MYO15A: variants seen among roughly 807,000 people sequenced by gnomAD.
MYO15A encodes the protein unconventional myosin-XV.
Under a neutral mutation model 394.6 loss-of-function variants are expected in MYO15A, and 308 were observed. The ratio of observed to expected loss-of-function variants is 0.78; its 90% CI spans 0.71 to 0.86. MYO15A has a LOEUF of 0.86. Among genes scored for constraint, MYO15A ranks in the 40% least tolerant of loss-of-function variants. The probability of loss-of-function intolerance (pLI) is 0.00; values close to 1 mark genes in which losing one functional copy is unlikely to be tolerated. For synonymous variants in MYO15A, 1,957 were observed against 2,003.8 expected (o/e 0.98, Z 0.62); for missense variants, 4,606 against 4,799.1 (o/e 0.96, Z 1.19).
chr17:18,142,830 G>A lies in MYO15A; in HGVS notation c.5900G>A (p.Arg1967His), dbSNP rs780235460. ...SLVHAYVSRRRYLKLRAEWRC... is the reference protein window; with the variant it reads ...SLVHAYVSRRHYLKLRAEWRC... ...GTACACGCATACGTGAGCCGCCGACGCTATCTCAAGGTATAGGCCCTACCC... is the reference window on the plus strand; with the variant it reads ...GTACACGCATACGTGAGCCGCCGACACTATCTCAAGGTATAGGCCCTACCC... Residue 1967 changes from arginine (R) to histidine (H), a missense_variant, in exon 25 of 66, where the codon CGC becomes CAC. By Grantham distance (29) the Arg-to-His change is conservative. Transcript: ENST00000647165. 8.7e-6 allele frequency: 14 copies of A among 1,611,684 alleles called. No individual in the cohort carries two copies. Among genetic ancestry groups the A allele is most frequent in the Middle Eastern group, 1.6e-4 (1 of 6,080 alleles).
chr17:18,141,262 C>G, intron 22 of MYO15A, 119 bp downstream of exon 22: 1 of 1,430,930 alleles, frequency 7.0e-7, no homozygotes, highest in Non-Finnish European at 9.6e-7. Flanking sequence ...AGGTTGTACA[C>G]TTCACAAGGC....
chr17:18,150,603 G>C lies in MYO15A; in HGVS notation c.7327+60G>C, dbSNP rs1269580050. The stretch of plus-strand genomic sequence containing the variant: ...CAGGGCCAGAGCCACTTGCTGGTGT[G>C]CTAGAATGGAGGCAGCCACAGCATG... On this transcript the variant is annotated intron_variant, in intron 36 of 65. Transcript: ENST00000647165. The surrounding 1 kb of genome is among the most constrained non-coding windows in gnomAD (Gnocchi z 4.4). The C allele has an allele frequency of 3.1e-6, 5 of 1,611,078 alleles. No homozygotes were observed. In the African/African-American group the frequency reaches 6.7e-5, roughly 22 times the overall value.
rs781218474 is a variant in MYO15A, at chr17:18,149,416, C to A, written c.7117+40C>A. 10 of 1,612,050 alleles carry A rather than the reference C, an allele frequency of 6.2e-6. No individual in the cohort carries two copies. The African/African-American group carries it at 1.1e-4, about 17-fold the overall frequency. On this transcript the variant is annotated intron_variant, in intron 34 of 65. Transcript: ENST00000647165. ...GCTGCTGTCTCTGGTGGGGAGGGAG[C>A]CTTAGAGGCTGTGTGGGGTGGAAAT...
rs374989174 is a variant in MYO15A at position 18,138,229 on chromosome 17, C to A, written c.4990C>A (p.Gln1664Lys). ...PYGILRILDD[Q>K]CCFPQATDHT... Reference sequence around the variant, plus strand: ...TGGCATCCTGCGGATCCTTGACGACCAGTGTTGCTTTCCCCAGGTGAGCCG... The same window carrying A: ...TGGCATCCTGCGGATCCTTGACGACAAGTGTTGCTTTCCCCAGGTGAGCCG... The change falls in exon 17 of 66, where the codon CAG (glutamine) becomes AAG (lysine). Residue 1664 changes from glutamine (Q) to lysine (K), a missense_variant. Around this residue, in one of 2 missense-constraint regions of MYO15A, gnomAD observed 2,776 missense variants for 3,109.3 expected, o/e 0.89. Coordinates refer to ENST00000647165, the MANE Select transcript of MYO15A (RefSeq NM_016239.4). 3 of 1,613,090 alleles carry A rather than the reference C, an allele frequency of 1.9e-6. No individual in the cohort carries two copies. The highest frequency in any genetic ancestry group is 1.3e-5 in the African/African-American group (1 of 74,946).
chr17:18,119,251 A>G lies in MYO15A; in HGVS notation c.451A>G (p.Ser151Gly), dbSNP rs1244349686. The change falls in exon 2 of 66, where the codon AGC (serine) becomes GGC (glycine). Residue 151 changes from serine (S) to glycine (G), a missense_variant. Physicochemically the swap from Ser to Gly is moderately conservative, Grantham distance 56. Transcript: ENST00000647165. ...CCTCAAGAAGGCCGAGGAGTCGGGCAGCGAACAGGCCACAGTGGACGCCTG... is the reference window on the plus strand; with the variant it reads ...CCTCAAGAAGGCCGAGGAGTCGGGCGGCGAACAGGCCACAGTGGACGCCTG... ...FLLKKAEESG[S>G]EQATVDAWLQ... The G allele has an allele frequency of 6.2e-7, 1 of 1,612,372 alleles. No homozygotes were observed. Among genetic ancestry groups the G allele is most frequent in the African/African-American group, 1.3e-5 (1 of 75,046 alleles).
chr17:18,163,453 G>A (rs2046805322), intron 59 of MYO15A, 132 bp downstream of exon 59: 3 of 1,001,708 alleles, frequency 3.0e-6, no homozygotes, highest in Middle Eastern at 2.6e-4. Context: ...AGCCCCACAA[G>A]GCAGGACTTA....
chr17:18,149,567 C>A lies in MYO15A; in HGVS notation c.7199C>A (p.Ser2400Tyr), dbSNP rs779994772. 6.2e-7 allele frequency: 1 copy of A among 1,614,122 alleles called. No individual in the cohort carries two copies. Among genetic ancestry groups the A allele is most frequent in the Non-Finnish European group, 8.5e-7 (1 of 1,179,996 alleles). The part of the protein sequence containing the change: ...YLDSLFDPVL[S>Y]YGDADLEKPT... ...GATAGCCTCTTTGACCCTGTGCTGT[C>A]CTACGGGGATGCGGTAGGGATGGTG... The change falls in exon 35 of 66, where the codon TCC becomes TAC. Residue 2400 changes from serine (S) to tyrosine (Y), a missense_variant. Ser to Tyr is a moderately radical substitution (Grantham distance 144). Transcript: ENST00000647165.
rs1362577821 is a variant in MYO15A at position 18,124,952 on chromosome 17, T to C, written c.3693-216T>C. The C allele has an allele frequency of 1.5e-5, 9 of 614,520 alleles. No individual in the cohort carries two copies. In the Admixed American group the frequency reaches 2.2e-4, roughly 15 times the overall value. The allele number at this position is 614,520 out of a possible 1,614,324, so 38.1% of individuals were successfully genotyped here. ...GTAAGAGTGTCCCCCAAACCCCCAATGAAGTAGGTACAATGATTATCATAC... is the reference window on the plus strand; with the variant it reads ...GTAAGAGTGTCCCCCAAACCCCCAACGAAGTAGGTACAATGATTATCATAC... On this transcript the variant is annotated intron_variant, in intron 3 of 65. Transcript: ENST00000647165.
At chr17:18,129,719 CAG>C (rs775763755) in intron 7 of MYO15A, among the ~76,000 whole-genome samples, 4 of 152,148 alleles carry the variant, frequency 2.6e-5, no homozygotes, top group East Asian at 1.9e-4. Flanking sequence ...ATCTGCAAAA[CAG>C]GGGTGATATT....
chr17:18,150,849 C>A lies in MYO15A; in HGVS notation c.7409C>A (p.Thr2470Asn), dbSNP rs756893135. 6.3e-7 allele frequency: 1 copy of A among 1,595,780 alleles called. No homozygotes were observed. Among genetic ancestry groups the A allele is most frequent in the Admixed American group, 1.7e-5 (1 of 57,320 alleles). The change falls in exon 38 of 66, where the codon ACC becomes AAC. Residue 2470 changes from threonine (T) to asparagine (N), a missense_variant. Transcript: ENST00000647165. The surrounding 1 kb of genome is among the most constrained non-coding windows in gnomAD (Gnocchi z 4.4). ...KQAVLLAREM[T>N]LQATALQQQP... ...ACCTCTCCCCAGGCCCGGGAGATGA[C>A]CCTGCAGGCCACGGCACTCCAGCAG...
In MYO15A at chr17:18,159,254, C is replaced by T; in HGVS notation, c.9157-21C>T. 3.1e-6 allele frequency: 5 copies of T among 1,613,896 alleles called. No homozygotes were observed. The African/African-American group carries it at 6.7e-5, about 22-fold the overall frequency. ...CTGACGTGTCCCTCCTCCATCATGACACAGCCCTCTTCCCCCACAGACTCC... is the reference window on the plus strand; with the variant it reads ...CTGACGTGTCCCTCCTCCATCATGATACAGCCCTCTTCCCCCACAGACTCC... On this transcript the variant is annotated intron_variant, in intron 53 of 65. Coordinates refer to ENST00000647165, the MANE Select transcript of MYO15A (RefSeq NM_016239.4).
Position 18,148,678 on chromosome 17 carries a change from G to T in MYO15A, c.6765-83G>T. 1 of 1,547,306 alleles carries T rather than the reference G, an allele frequency of 6.5e-7. No individual in the cohort carries two copies. The highest frequency in any genetic ancestry group is 8.7e-7 in the Non-Finnish European group (1 of 1,144,498). On this transcript the variant is annotated intron_variant, in intron 32 of 65. Coordinates refer to ENST00000647165, the MANE Select transcript of MYO15A (RefSeq NM_016239.4). The surrounding 1 kb of genome is among the most constrained non-coding windows in gnomAD (Gnocchi z 4.8). Reference sequence around the variant, plus strand: ...AGGGTCCATTCTGTTCATGTTTAGGGTCTGGCTTATAACCCAGGATCTCCC... The same window carrying T: ...AGGGTCCATTCTGTTCATGTTTAGGTTCTGGCTTATAACCCAGGATCTCCC...
At chr17:18,161,609 A>G (rs976891699) in intron 57 of MYO15A, among the ~76,000 whole-genome samples, 162 bp downstream of exon 57, 2 of 152,206 alleles carry the variant, frequency 1.3e-5, no homozygotes, top group African/African-American at 2.4e-5. Context: ...AAGGTTTCAC[A>G]GGGGCTGGCG....
rs908215400 is a variant in MYO15A at position 18,119,341 on chromosome 17, C to T, written c.541C>T (p.Leu181=). The T allele has an allele frequency of 6.2e-7, 1 of 1,609,366 alleles. No individual in the cohort carries two copies. Among genetic ancestry groups the T allele is most frequent in the Non-Finnish European group, 8.5e-7 (1 of 1,179,198 alleles). Residue 181 remains leucine, a synonymous_variant, in exon 2 of 66, where the codon CTG becomes TTG. Coordinates refer to ENST00000647165, the MANE Select transcript of MYO15A (RefSeq NM_016239.4). ...KLPFPSGAEI[L]RPGGRLRRFP... ...CCCCTTCCCGTCGGGTGCCGAGATC[C>T]TGCGGCCTGGGGGCCGGCTCCGGAG... is the stretch of plus-strand genomic sequence containing the variant.
rs762692576 is a variant in MYO15A, at chr17:18,121,680, G to T, written c.2880G>T (p.Pro960=). 1 of 1,483,928 alleles carries T rather than the reference G, an allele frequency of 6.7e-7. No homozygotes were observed. The highest frequency in any genetic ancestry group is 9.1e-7 in the Non-Finnish European group (1 of 1,097,726). 91.9% of individuals were successfully genotyped at this position (1,483,928 alleles called of 1,614,324 possible). A position where few individuals can be genotyped will look rare whatever the true frequency, so the allele number is the denominator to read the frequency against. The change falls in exon 2 of 66, where the codon CCG becomes CCT. Residue 960 remains proline, a synonymous_variant. Transcript: ENST00000647165. The surrounding 1 kb of genome is among the most constrained non-coding windows in gnomAD (Gnocchi z 5.3). ...GCTTTTCCAGGCCACCCCCTGTGCC[G>T]GAAAACCCCTTTCTCCAGCTCCTGG... ...RRGFSRPPPV[P]ENPFLQLLGP...
rs1252821863 is a variant in MYO15A, at chr17:18,151,547, C to T, written c.7787+20C>T. Reference sequence around the variant, plus strand: ...CCTCAGGTCAGCACTGCCCCTGCCCCCAGCCCGCCAGCCCCCTCACTGTAC... The same window carrying T: ...CCTCAGGTCAGCACTGCCCCTGCCCTCAGCCCGCCAGCCCCCTCACTGTAC... On this transcript the variant is annotated intron_variant, in intron 40 of 65. Coordinates refer to ENST00000647165, the MANE Select transcript of MYO15A (RefSeq NM_016239.4). 2 of 1,613,082 alleles carry T rather than the reference C, an allele frequency of 1.2e-6. No individual in the cohort carries two copies. The highest frequency in any genetic ancestry group is 2.2e-5 in the East Asian group (1 of 44,858).
At chr17:18,139,503 G>A (rs1456745910) in intron 18 of MYO15A, 31 bp from the exon 19 acceptor site, 2 of 1,609,504 alleles carry the variant, frequency 1.2e-6, no homozygotes, top group Non-Finnish European at 1.7e-6. Context: ...ACAGAGGCCA[G>A]GATTACCCAG....
intron 3 of MYO15A, chr17:18,124,944 AC>A: frequency 1.6e-6 from 1 of 611,254 alleles, no homozygotes. Context: ...TGTCCCCCAA[AC>A]CCCCAATGAA....
At chr17:18,140,859 G>C (rs756172974) in intron 21 of MYO15A, 27 bp downstream of exon 21, 17 of 1,613,916 alleles carry the variant, frequency 1.1e-5, no homozygotes, top group Non-Finnish European at 1.4e-5. Context: ...GCCTCTGAGA[G>C]AGCCAAATCC....
Sources: allele counts gnomAD v4.1 joint callset (sites outside exome capture counted in the v4.1 genomes callset), GRCh38; gene constraint gnomAD v4.1.1; regional missense constraint gnomAD v4.1.1; non-coding constraint Gnocchi (gnomAD v3.1); transcripts MANE v1.5; gene names NCBI Gene and HGNC (gene_info 2026-07-23, HGNC 2026-07-21).